Variants in NAALADL2 observed in about 807,000 individuals in gnomAD.
NAALADL2 encodes the protein N-acetylated alpha-linked acidic dipeptidase like 2.
A neutral mutation model predicts 87.2 loss-of-function variants in NAALADL2; 76 were observed. The observed-to-expected ratio is 0.87, with a 90% CI of 0.72 to 1.05. The LOEUF is 1.05. Among genes scored for constraint, NAALADL2 ranks in the 50% least tolerant of loss-of-function variants. The pLI is 0.00. For missense variants in NAALADL2, 1,089 were observed against 945.8 expected, an observed-to-expected ratio of 1.15 and a Z score of -1.99; for synonymous variants, 354 against 331.0, an observed-to-expected ratio of 1.07 and a Z score of -0.75.
intron 6 of NAALADL2, among the ~76,000 whole-genome samples, chr3:175,454,454 T>C (rs1295372291): frequency 2.0e-5 from 3 of 151,980 alleles, no homozygotes; most frequent in African/African-American, 7.2e-5. Flanking sequence ...AACTTTAGGG[T>C]TCCTACTTTA....
At chr3:175,444,646 C>T (rs953005675) in intron 5 of NAALADL2, among the ~76,000 whole-genome samples, 1 of 152,098 alleles carries the variant, frequency 6.6e-6, no homozygotes, top group Non-Finnish European at 1.5e-5. Context: ...ACTTTTTAAA[C>T]AAGAGGTCCC....
chr3:174,451,843 G>GTTT lies in NAALADL2; in HGVS notation c.-184+10838_-184+10840dup, dbSNP rs764587503. 5.4e-4 allele frequency among the ~76,000 whole-genome samples: 53 copies of GTTT among 98,076 alleles called. 5 individuals are homozygous for GTTT. The highest frequency in any genetic ancestry group is 1.6e-3 in the African/African-American group (33 of 20,012). 64.3% of individuals were successfully genotyped at this position (98,076 alleles called of 152,430 possible). On this transcript the variant is annotated intron_variant, in intron 1 of 3. Coordinates refer to the NAALADL2 transcript ENST00000434257. Reference sequence around the variant, plus strand: ...TAATGTAGTGCTAAGGATAGTGGGAGTTTTTTTTTTTTTTTTTTTTTTTTT... The same window carrying GTTT: ...TAATGTAGTGCTAAGGATAGTGGGAGTTTTTTTTTTTTTTTTTTTTTTTTTTTT...
chr3:174,663,903 T>C (rs1434570159), intron 2 of NAALADL2, among the ~76,000 whole-genome samples: 1 of 151,818 alleles, frequency 6.6e-6, no homozygotes, highest in Non-Finnish European at 1.5e-5. Flanking sequence ...TTCTCCTGCC[T>C]CAGCCTCCCG....
At chr3:175,151,935 T>C (rs1005982540) in intron 2 of NAALADL2, among the ~76,000 whole-genome samples, 3 of 152,320 alleles carry the variant, frequency 2.0e-5, no homozygotes, top group Admixed American at 2.0e-4. Flanking sequence ...TTATAACTTA[T>C]TCTATCATAA....
At chr3:175,162,295 T>C (rs1401322281) in intron 2 of NAALADL2, among the ~76,000 whole-genome samples, 1 of 152,174 alleles carries the variant, frequency 6.6e-6, no homozygotes, top group Non-Finnish European at 1.5e-5. Context: ...ATGTTGTGTA[T>C]ACCTTCCCCC....
intron 1 of NAALADL2, among the ~76,000 whole-genome samples, chr3:174,866,248 A>G (rs1705556122): frequency 1.3e-5 from 2 of 151,984 alleles, no homozygotes; most frequent in Admixed American, 1.3e-4. Context: ...CTGAGCATTA[A>G]AATTAAAATT....
intron 5 of NAALADL2, among the ~76,000 whole-genome samples, chr3:175,368,729 A>T (rs1766025495): frequency 6.6e-6 from 1 of 152,120 alleles, no homozygotes; most frequent in African/African-American, 2.4e-5. Flanking sequence ...ACACAAACAC[A>T]TTGTGTAGCC....
chr3:174,574,240 A>G (rs1382460071), intron 2 of NAALADL2, among the ~76,000 whole-genome samples: 1 of 149,564 alleles, frequency 6.7e-6, no homozygotes, highest in East Asian at 1.9e-4. Flanking sequence ...GGAATTTTTG[A>G]CTTTTTTTTT....
chr3:175,463,564 T>A, intron 7 of NAALADL2, 71 bp downstream of exon 7: 1 of 818,680 alleles, frequency 1.2e-6, no homozygotes, highest in Non-Finnish European at 1.9e-6. Context: ...TGTAATAATT[T>A]AATATTATAC....
At chr3:175,312,241 T>A (rs1270419448) in intron 4 of NAALADL2, among the ~76,000 whole-genome samples, 1 of 152,154 alleles carries the variant, frequency 6.6e-6, no homozygotes, top group African/African-American at 2.4e-5. Context: ...TGATTATATA[T>A]TACGTGTCCA....
intron 2 of NAALADL2, among the ~76,000 whole-genome samples, chr3:175,195,468 G>A (rs889910373): frequency 6.6e-6 from 1 of 151,762 alleles, no homozygotes; most frequent in Non-Finnish European, 1.5e-5. Context: ...AGGATGATAT[G>A]TAAAGGTAGA....
intron 8 of NAALADL2, 28 bp downstream of exon 8, chr3:175,467,212 T>G: frequency 6.4e-7 from 1 of 1,568,084 alleles, no homozygotes; most frequent in Non-Finnish European, 8.7e-7. Flanking sequence ...TTAATTACAG[T>G]GCTTTTCTTT....
intron 1 of NAALADL2, among the ~76,000 whole-genome samples, chr3:174,930,302 AT>A (rs1736675361): frequency 6.6e-6 from 1 of 152,186 alleles, no homozygotes; most frequent in African/African-American, 2.4e-5. Context: ...TTTTAAAAAA[AT>A]GTTTTTATTT....
chr3:175,536,846 G>A (rs1734887637), intron 9 of NAALADL2, among the ~76,000 whole-genome samples: 1 of 152,158 alleles, frequency 6.6e-6, no homozygotes, highest in Non-Finnish European at 1.5e-5. Flanking sequence ...GCCGGGCGTG[G>A]TGGCGGGCGC....
intron 5 of NAALADL2, among the ~76,000 whole-genome samples, chr3:175,423,052 T>TATATA (rs1491115866): frequency 0.01 from 1,018 of 98,372 alleles, 19 homozygotes; most frequent in East Asian, 0.073. Flanking sequence ...TATATATATA[T>TATATA]TTTTTTTTTT....
intron 9 of NAALADL2, among the ~76,000 whole-genome samples, chr3:175,512,631 C>A (rs368201576): frequency 2.0e-5 from 3 of 152,204 alleles, no homozygotes; most frequent in African/African-American, 7.2e-5. Context: ...GAAGATAAAG[C>A]AAGAATTTAT....
intron 1 of NAALADL2, among the ~76,000 whole-genome samples, chr3:174,533,672 A>G (rs918817783): frequency 5.9e-5 from 9 of 151,922 alleles, no homozygotes; most frequent in African/African-American, 1.9e-4. Context: ...TAATTGGAGC[A>G]TAGCGATTAC....
At chr3:175,233,436 T>C (rs1156790745) in intron 2 of NAALADL2, among the ~76,000 whole-genome samples, 1 of 152,074 alleles carries the variant, frequency 6.6e-6, no homozygotes, top group Non-Finnish European at 1.5e-5. Context: ...TTGTTTTGTT[T>C]TGTTTTATTT....
intron 3 of NAALADL2, among the ~76,000 whole-genome samples, chr3:174,780,358 C>A (rs916120627): frequency 1.3e-5 from 2 of 152,070 alleles, no homozygotes; most frequent in African/African-American, 4.8e-5. Context: ...ACTGAAGTTG[C>A]TTATCAGATT....
Sources: gnomAD v4.1 joint callset for allele counts (sites outside exome capture counted in the v4.1 genomes callset) on GRCh38, gnomAD v4.1.1 for gene constraint, MANE v1.5 for transcripts, NCBI Gene and HGNC (gene_info 2026-07-23, HGNC 2026-07-21) for gene names.